Variants in PRPF39 observed in about 807,000 individuals in gnomAD.
PRPF39 encodes the protein pre-mRNA-processing factor 39.
Under a neutral mutation model 82.1 loss-of-function variants are expected in PRPF39, and 27 were observed. The observed-to-expected ratio is 0.33, with a 90% CI of 0.24 to 0.45. The LOEUF (loss-of-function observed/expected upper bound fraction) is 0.45, where lower values mean the gene tolerates loss of function less well. Ranked by LOEUF, PRPF39 falls within the 20% of genes least tolerant of loss-of-function variation. PRPF39 has a pLI of 1.00. For synonymous variants in PRPF39, 261 were observed against 256.4 expected, an observed-to-expected ratio of 1.02 and a Z score of -0.17; for missense variants, 581 against 796.9, an observed-to-expected ratio of 0.73 and a Z score of 3.26.
rs1884797560 is a variant in PRPF39 at position 45,115,010 on chromosome 14, A to G, written c.*97A>G. 3 of 926,814 alleles carry G rather than the reference A, an allele frequency of 3.2e-6. No homozygotes were observed. Among genetic ancestry groups the G allele is most frequent in the Non-Finnish European group, 3.3e-6 (2 of 611,842 alleles). The allele number at this position is 926,814 out of a possible 1,614,324, so 57.4% of individuals were successfully genotyped here. A position where few individuals can be genotyped will look rare whatever the true frequency, so the allele number is the denominator to read the frequency against. ...AAACAGTATAAGCTTGTTGTATTTG[A>G]TAACCTGTCTTCCTTGTTTCTGTGT... On this transcript the variant is annotated 3_prime_UTR_variant, in exon 14 of 14. Transcript: ENST00000355765.
At chr14:45,098,551 C>T (rs949113599) in intron 4 of PRPF39, among the ~76,000 whole-genome samples, 7 of 151,890 alleles carry the variant, frequency 4.6e-5, no homozygotes, top group African/African-American at 1.2e-4. Flanking sequence ...TCCTCCCCTG[C>T]CCCTCATTTT....
chr14:45,102,497 A>G (rs747095738), intron 4 of PRPF39, 32 bp from the exon 5 acceptor site: 6 of 1,507,462 alleles, frequency 4.0e-6, no homozygotes, highest in Non-Finnish European at 4.5e-6. Flanking sequence ...TTTATCTTGG[A>G]AAGATAACTT....
At chr14:45,091,102 T>G (rs1884009852) in intron 1 of PRPF39, among the ~76,000 whole-genome samples, 1 of 151,818 alleles carries the variant, frequency 6.6e-6, no homozygotes, top group South Asian at 2.1e-4. Context: ...CTCCCAGGCT[T>G]AGGAAAAAAA....
chr14:45,092,076 A>G (rs1249620381), intron 1 of PRPF39, among the ~76,000 whole-genome samples: 2 of 152,240 alleles, frequency 1.3e-5, no homozygotes, highest in African/African-American at 4.8e-5. Flanking sequence ...GGTAGAAGGA[A>G]GGACCACACT....
chr14:45,103,416 T>C (rs1884434229), intron 5 of PRPF39, among the ~76,000 whole-genome samples: 1 of 152,096 alleles, frequency 6.6e-6, no homozygotes, highest in African/African-American at 2.4e-5. Context: ...TTATAATTTT[T>C]ATGAGTAGTA....
Position 45,112,381 on chromosome 14 carries a change from G to C in PRPF39, c.1636G>C (p.Glu546Gln). 6.3e-7 allele frequency: 1 copy of C among 1,583,000 alleles called. No individual in the cohort carries two copies. Among genetic ancestry groups the C allele is most frequent in the East Asian group, 2.3e-5 (1 of 43,548 alleles). The change falls in exon 11 of 14, where the codon GAA becomes CAA. Residue 546 changes from glutamate (E) to glutamine (Q), a missense_variant. Coordinates refer to ENST00000355765, the MANE Select transcript of PRPF39 (RefSeq NM_017922.4). ...MEYSGDLKQNEENILNCFDKA... is the reference protein window; with the variant it reads ...MEYSGDLKQNQENILNCFDKA... ...ATATAGTGGTGACCTCAAACAAAAT[G>C]AAGAAAATATCCTAAATTGTTTTGA...
intron 7 of PRPF39, among the ~76,000 whole-genome samples, 182 bp from the exon 8 acceptor site, chr14:45,109,430 ATTAT>A (rs1884636094): frequency 6.7e-6 from 1 of 149,958 alleles, no homozygotes; most frequent in South Asian, 2.1e-4. Flanking sequence ...GAGAAAATGT[ATTAT>A]TTCATTTGTT....
rs1246313340 is a variant in PRPF39 at position 45,115,992 on chromosome 14, CT to C, written c.*1080del. 7.5e-6 allele frequency: 4 copies of C among 534,398 alleles called. No homozygotes were observed. The African/African-American group carries it at 7.6e-5, about 10-fold the overall frequency. The allele number at this position is 534,398 out of a possible 1,614,324, so 33.1% of individuals were successfully genotyped here. ...TCTCCTTGACCAGTATTTTACACAG[CT>C]GTAGGAAAGTATTTTAGACCAGGGA... On this transcript the variant is annotated 3_prime_UTR_variant, in exon 14 of 14. Coordinates refer to ENST00000355765, the MANE Select transcript of PRPF39 (RefSeq NM_017922.4).
intron 6 of PRPF39, 33 bp from the exon 7 acceptor site, chr14:45,108,382 T>C: frequency 6.4e-7 from 1 of 1,555,828 alleles, no homozygotes; most frequent in Non-Finnish European, 8.6e-7. Context: ...ATACAGTTTG[T>C]GAGATTTATT....
chr14:45,096,013 T>C, intron 2 of PRPF39, 90 bp from the exon 3 acceptor site: 2 of 1,200,710 alleles, frequency 1.7e-6, no homozygotes, highest in South Asian at 3.5e-5. Context: ...TTTATTATTA[T>C]TTTTTTAGAT....
chr14:45,113,099 T>C (rs1453091298), intron 11 of PRPF39, among the ~76,000 whole-genome samples: 4 of 152,232 alleles, frequency 2.6e-5, no homozygotes, highest in Non-Finnish European at 4.4e-5. Flanking sequence ...AGTAAGCAAA[T>C]ACACCAGTTC....
chr14:45,106,685 A>G (rs535173131), intron 5 of PRPF39, among the ~76,000 whole-genome samples: 57 of 152,326 alleles, frequency 3.7e-4, no homozygotes, highest in Non-Finnish European at 7.2e-4. Context: ...TTTGAGAGTC[A>G]TCATGGTATA....
Position 45,096,884 on chromosome 14 carries a change from TA to T in PRPF39, c.451-2del. 6.5e-7 allele frequency: 1 copy of T among 1,545,048 alleles called. No homozygotes were observed. The highest frequency in any genetic ancestry group is 8.7e-7 in the Non-Finnish European group (1 of 1,145,846). On this transcript the variant is annotated splice_acceptor_variant, in intron 3 of 13. Coordinates refer to ENST00000355765, the MANE Select transcript of PRPF39 (RefSeq NM_017922.4). LOFTEE classifies it high-confidence loss of function. ...GAAGTACAGTTTGCTGTTTTCTTCTTAGGTTTATCGGCGGGGGCTTCAGGCA... is the reference window on the plus strand; with the variant it reads ...GAAGTACAGTTTGCTGTTTTCTTCTTGGTTTATCGGCGGGGGCTTCAGGCA...
intron 1 of PRPF39, among the ~76,000 whole-genome samples, chr14:45,085,217 A>G (rs1352562622): frequency 1.3e-5 from 2 of 152,138 alleles, no homozygotes; most frequent in African/African-American, 4.8e-5. Context: ...CTCTAGATTT[A>G]TAACCTCATT....
At chr14:45,090,376 T>G (rs1490565048) in intron 1 of PRPF39, among the ~76,000 whole-genome samples, 1 of 152,184 alleles carries the variant, frequency 6.6e-6, no homozygotes, top group Non-Finnish European at 1.5e-5. Context: ...TGGCTAGATT[T>G]GCTTTTTCTG....
intron 4 of PRPF39, among the ~76,000 whole-genome samples, 187 bp from the exon 5 acceptor site, chr14:45,102,339 TTTG>T (rs1884402581): frequency 6.6e-6 from 1 of 152,228 alleles, no homozygotes; most frequent in Non-Finnish European, 1.5e-5. Context: ...ATCTATTCTC[TTTG>T]TTTTCTCACT....
intron 1 of PRPF39, among the ~76,000 whole-genome samples, chr14:45,086,683 G>A (rs1883837317): frequency 6.6e-6 from 1 of 152,128 alleles, no homozygotes; most frequent in Non-Finnish European, 1.5e-5. Context: ...CTGTTACACG[G>A]CAAGTATTAT....
intron 6 of PRPF39, 108 bp downstream of exon 6, chr14:45,107,724 T>A: frequency 9.0e-7 from 1 of 1,111,066 alleles, no homozygotes; most frequent in Non-Finnish European, 1.3e-6. Context: ...AGGTCCGGAG[T>A]TTGAGACCCA....
At chr14:45,094,712 A>G (rs1884144857) in intron 1 of PRPF39, among the ~76,000 whole-genome samples, 1 of 152,216 alleles carries the variant, frequency 6.6e-6, no homozygotes, top group African/African-American at 2.4e-5. Context: ...TTTAAGCAAT[A>G]TGATTTTATC....
Sources: gnomAD v4.1 joint callset for allele counts (sites outside exome capture counted in the v4.1 genomes callset) on GRCh38, gnomAD v4.1.1 for gene constraint, MANE v1.5 for transcripts, NCBI Gene and HGNC (gene_info 2026-07-23, HGNC 2026-07-21) for gene names.